SLC5A9: variants seen among roughly 807,000 people sequenced by gnomAD.
The protein encoded by SLC5A9 is sodium/glucose cotransporter 4.
In SLC5A9, 59 loss-of-function variants were observed where a neutral mutation model predicts 70.9. The observed-to-expected ratio is 0.83, with a 90% CI of 0.68 to 1.03. The LOEUF is 1.03. Ranked by LOEUF, SLC5A9 falls within the 50% of genes least tolerant of loss-of-function variation. The probability of loss-of-function intolerance (pLI) is 0.00; values close to 1 mark genes in which losing one functional copy is unlikely to be tolerated. For missense variants in SLC5A9, 832 were observed against 881.1 expected, an observed-to-expected ratio of 0.94 and a Z score of 0.71; for synonymous variants, 340 against 346.5, an observed-to-expected ratio of 0.98 and a Z score of 0.21.
At position 48,229,332 on chromosome 1, in the gene SLC5A9, TC is replaced by T; in HGVS notation, c.380del (p.Pro127LeufsTer15). ...CTCCTGGCCCTTGGCTGGGTCTTCGTCCCTGTGTACATCGCAGCAGGTGTGG... is the reference window on the plus strand; with the variant it reads ...CTCCTGGCCCTTGGCTGGGTCTTCGTCCTGTGTACATCGCAGCAGGTGTGG... The part of the protein sequence containing the change: ...WLLLALGWVF[V>X]PVYIAAGVVT... On this transcript the variant is annotated frameshift_variant, in exon 4 of 14. Transcript: ENST00000438567. LOFTEE classifies it high-confidence loss of function. The T allele has an allele frequency of 6.2e-7, 1 of 1,614,020 alleles. No individual in the cohort carries two copies. Among genetic ancestry groups the T allele is most frequent in the Non-Finnish European group, 8.5e-7 (1 of 1,179,918 alleles).
intron 6 of SLC5A9, 86 bp from the exon 7 acceptor site, chr1:48,231,860 A>C (rs1326624783): frequency 6.3e-7 from 1 of 1,585,072 alleles, no homozygotes; most frequent in African/African-American, 1.3e-5. Context: ...TTCCAACCTG[A>C]GGGCCCACAT....
intron 6 of SLC5A9, 128 bp downstream of exon 6, chr1:48,231,753 G>A (rs907963227): frequency 2.0e-6 from 3 of 1,513,080 alleles, no homozygotes; most frequent in Non-Finnish European, 2.7e-6. Context: ...CCCCTCTCCA[G>A]GCTGCAGCTC....
chr1:48,238,688 C>T (rs1461675321), intron 11 of SLC5A9: 1 of 152,604 alleles, frequency 6.6e-6, no homozygotes, highest in Non-Finnish European at 1.5e-5. Flanking sequence ...AACCATGCCG[C>T]ACAGCAGTAC....
intron 4 of SLC5A9, among the ~76,000 whole-genome samples, chr1:48,229,953 A>G (rs1290208927): frequency 6.6e-6 from 1 of 152,236 alleles, no homozygotes; most frequent in East Asian, 1.9e-4. Flanking sequence ...CAGGTTCACA[A>G]AACAATCATG....
intron 2 of SLC5A9, among the ~76,000 whole-genome samples, chr1:48,226,887 T>G (rs992748929): frequency 2.6e-5 from 4 of 152,176 alleles, no homozygotes; most frequent in African/African-American, 9.7e-5. Flanking sequence ...TTGCTCTGAC[T>G]GGGTGGTTCA....
chr1:48,247,875 C>T lies in SLC5A9; in HGVS notation c.*332C>T, dbSNP rs1644477292. ...TCAGTAGCCTTTACTGAATGTGTGT[C>T]TTGAGAGTAGAAAAATGGAGGATAC... On this transcript the variant is annotated 3_prime_UTR_variant, in exon 14 of 14. Transcript: ENST00000438567. 3.6e-6 allele frequency: 1 copy of T among 279,372 alleles called. No individual in the cohort carries two copies. The highest frequency in any genetic ancestry group is 4.7e-5 in the Admixed American group (1 of 21,428). The allele number at this position is 279,372 out of a possible 1,614,324, so 17.3% of individuals were successfully genotyped here.
intron 13 of SLC5A9, among the ~76,000 whole-genome samples, chr1:48,244,914 C>A (rs1319166795): frequency 3.3e-3 from 72 of 21,788 alleles, no homozygotes; most frequent in East Asian, 0.021. Context: ...ATATATAAAA[C>A]CTCTGTCTCA....
At chr1:48,244,930 T>G (rs1644443840) in intron 13 of SLC5A9, among the ~76,000 whole-genome samples, 1 of 98,998 alleles carries the variant, frequency 1.0e-5, no homozygotes, top group Non-Finnish European at 2.1e-5. Flanking sequence ...TCTCAGAAGG[T>G]TGCCAAGGGA....
rs1557486509 is a variant in SLC5A9 at position 48,244,904 on chromosome 1, A to ATATATATATATATATG, written c.1837+2294_1837+2295insTATATATATGTATATA. On this transcript the variant is annotated intron_variant, in intron 13 of 13. Transcript: ENST00000438567. Reference sequence around the variant, plus strand: ...TATATATATATATATATATATATATATATATAAAACCTCTGTCTCAGAAGG... The same window carrying ATATATATATATATATG: ...TATATATATATATATATATATATATATATATATATATATATGTATATAAAACCTCTGTCTCAGAAGG... 1.8e-5 allele frequency among the ~76,000 whole-genome samples: 2 copies of ATATATATATATATATG among 112,846 alleles called. 1 individual carries two copies. Among genetic ancestry groups the ATATATATATATATATG allele is most frequent in the African/African-American group, 6.3e-5 (2 of 31,988 alleles). 74.0% of individuals were successfully genotyped at this position (112,846 alleles called of 152,430 possible).
Position 48,232,427 on chromosome 1 carries a change from C to CT in SLC5A9, c.959dup (p.Tyr323LeufsTer31). 1 of 1,614,182 alleles carries CT rather than the reference C, an allele frequency of 6.2e-7. No individual in the cohort carries two copies. Among genetic ancestry groups the CT allele is most frequent in the Non-Finnish European group, 8.5e-7 (1 of 1,180,020 alleles). On this transcript the variant is annotated frameshift_variant, in exon 8 of 14. Coordinates refer to ENST00000438567, the MANE Select transcript of SLC5A9 (RefSeq NM_001011547.3). LOFTEE classifies it high-confidence loss of function. ...GTCTCATGCCAAGGGAGGCTCCGTG[C>CT]TGGGGGGCTACCTGAAGATCCTCCC...
rs770636365 is a variant in SLC5A9, at chr1:48,231,600, G to A, written c.666G>A (p.Gly222=). ...CTCTGCAGACGGTGATCATGGTAGG[G>A]GGAGCCCTGGTCCTCATGTTTCTGG... is the stretch of plus-strand genomic sequence containing the variant. ...TDALQTVIMV[G]GALVLMFLGF... Residue 222 remains glycine (G), a synonymous_variant, in exon 6 of 14, where the codon GGG becomes GGA. Coordinates refer to ENST00000438567, the MANE Select transcript of SLC5A9 (RefSeq NM_001011547.3). The A allele has an allele frequency of 6.2e-7, 1 of 1,614,160 alleles. No homozygotes were observed.
At position 48,237,680 on chromosome 1, in the gene SLC5A9, G is replaced by C; in HGVS notation, c.1294G>C (p.Val432Leu). Residue 432 changes from valine (V) to leucine (L), a missense_variant and splice_region_variant, in exon 11 of 14, where the codon GTG becomes CTG. Val to Leu is a conservative substitution (Grantham distance 32). Coordinates refer to ENST00000438567, the MANE Select transcript of SLC5A9 (RefSeq NM_001011547.3). ...AGTGCCCTGTGCTCTCTCTGGCAGA[G>C]TGTTTGTGGTGTTCCTGGTTGTCAT... is the stretch of plus-strand genomic sequence containing the variant. ...TEQELMVVGR[V>L]FVVFLVVISI... The C allele has an allele frequency of 6.2e-7, 1 of 1,613,896 alleles. No individual in the cohort carries two copies. The highest frequency in any genetic ancestry group is 8.5e-7 in the Non-Finnish European group (1 of 1,179,918).
chr1:48,224,930 G>T, intron 2 of SLC5A9, 135 bp downstream of exon 2: 1 of 889,996 alleles, frequency 1.1e-6, no homozygotes, highest in Non-Finnish European at 1.8e-6. Context: ...CTGACTCTGG[G>T]CCCCTTCTCT....
chr1:48,223,531 G>T (rs1321621728), intron 1 of SLC5A9, among the ~76,000 whole-genome samples: 1 of 152,164 alleles, frequency 6.6e-6, no homozygotes, highest in Non-Finnish European at 1.5e-5. Context: ...GGACTATGCT[G>T]TGATCATTCA....
chr1:48,240,935 G>A (rs1367645823), intron 12 of SLC5A9, among the ~76,000 whole-genome samples: 4 of 152,180 alleles, frequency 2.6e-5, no homozygotes, highest in African/African-American at 9.7e-5. Flanking sequence ...TCATGTTCCT[G>A]TCTTTAAGTG....
At chr1:48,244,801 A>ATTATATATAAATTATATTTATATT (rs1644434613) in intron 13 of SLC5A9, among the ~76,000 whole-genome samples, 1 of 132,362 alleles carries the variant, frequency 7.6e-6, no homozygotes, top group Non-Finnish European at 1.6e-5. Flanking sequence ...TTATATTTAT[A>ATTATATATAAATTATATTTATATT]TTATATATAA....
Position 48,232,391 on chromosome 1 carries a change from G to A in SLC5A9, c.922G>A (p.Ala308Thr). ...GGTCATTGTGCAGCGGTCTCTCTCG[G>A]CCAAGAGTCTGTCTCATGCCAAGGG... ...DQVIVQRSLS[A>T]KSLSHAKGGS... The change falls in exon 8 of 14, where the codon GCC becomes ACC. Residue 308 changes from alanine to threonine, a missense_variant. Coordinates refer to ENST00000438567, the MANE Select transcript of SLC5A9 (RefSeq NM_001011547.3). 1 of 1,614,146 alleles carries A rather than the reference G, an allele frequency of 6.2e-7. No individual in the cohort carries two copies. The highest frequency in any genetic ancestry group is 8.5e-7 in the Non-Finnish European group (1 of 1,180,030).
At chr1:48,238,686 C>G (rs947581685) in intron 11 of SLC5A9, 2 of 152,584 alleles carry the variant, frequency 1.3e-5, no homozygotes, top group Non-Finnish European at 2.9e-5. Flanking sequence ...ACAACCATGC[C>G]GCACAGCAGT....
At chr1:48,223,000 A>T (rs1180811464) in intron 1 of SLC5A9, 102 bp downstream of exon 1, 13 of 1,239,876 alleles carry the variant, frequency 1.0e-5, no homozygotes, top group Non-Finnish European at 1.5e-5. Flanking sequence ...AAAGAAGCAG[A>T]TCATAGAACC....
Sources: allele counts gnomAD v4.1 joint callset (sites outside exome capture counted in the v4.1 genomes callset), GRCh38; gene constraint gnomAD v4.1.1; transcripts MANE v1.5; gene names NCBI Gene and HGNC (gene_info 2026-07-23, HGNC 2026-07-21).